The following STYXL1 variants were observed in gnomAD, a reference collection of about 807,000 sequenced individuals.
STYXL1 encodes serine/threonine/tyrosine interacting like 1, also known as serine/threonine/tyrosine-interacting-like protein 1.
Under a neutral mutation model 36.4 loss-of-function variants are expected in STYXL1, and 32 were observed. That is an observed-to-expected ratio of 0.88 (90% CI 0.66 to 1.18). The LOEUF (loss-of-function observed/expected upper bound fraction) is 1.18. Ranked by LOEUF, STYXL1 falls within the 50% of genes most tolerant of loss-of-function variation. STYXL1 has a pLI of 0.00. For missense variants in STYXL1, 354 were observed against 394.1 expected (o/e 0.90, Z 0.86); for synonymous variants, 133 against 144.1 (o/e 0.92, Z 0.55).
At chr7:76,042,198 C>T (rs1168031444) in intron 1 of STYXL1, among the ~76,000 whole-genome samples, 1 of 152,060 alleles carries the variant, frequency 6.6e-6, no homozygotes, top group Non-Finnish European at 1.5e-5. Context: ...GCTTGGCCCT[C>T]ATAGCCACTA....
intron 5 of STYXL1, among the ~76,000 whole-genome samples, chr7:76,010,409 C>T (rs1554571883): frequency 1.3e-5 from 2 of 152,086 alleles, no homozygotes; most frequent in East Asian, 1.9e-4. Context: ...CTGCCTTCTA[C>T]GATTCCGGTG....
intron 5 of STYXL1, among the ~76,000 whole-genome samples, chr7:76,010,471 G>A (rs1379968645): frequency 6.6e-6 from 1 of 152,148 alleles, no homozygotes; most frequent in Non-Finnish European, 1.5e-5. Context: ...TCCAAGTTAA[G>A]GGGAGGAAGT....
intron 1 of STYXL1, among the ~76,000 whole-genome samples, chr7:76,043,623 G>A (rs1554582725): frequency 6.6e-6 from 1 of 152,174 alleles, no homozygotes; most frequent in Admixed American, 6.5e-5. Context: ...CTGCATGGGA[G>A]AGTCAGTTAC....
Position 76,021,996 on chromosome 7 carries a change from A to T in STYXL1, c.166-4T>A. On this transcript the variant is annotated splice_polypyrimidine_tract_variant and splice_region_variant and intron_variant, in intron 3 of 8. Coordinates refer to ENST00000359697, the MANE Select transcript of STYXL1 (RefSeq NM_001317785.2). ...GGAGAAGATATTCATTATTTTTCTT[A>T]AAAAAAAAAACACACACACACAAGA... 5 of 1,131,164 alleles carry T rather than the reference A, an allele frequency of 4.4e-6. No individual in the cohort carries two copies. Among genetic ancestry groups the T allele is most frequent in the Admixed American group, 2.5e-5 (1 of 39,412 alleles). The allele number at this position is 1,131,164 out of a possible 1,614,324, so 70.1% of individuals were successfully genotyped here. A position where few individuals can be genotyped will look rare whatever the true frequency, so the allele number is the denominator to read the frequency against.
At chr7:76,008,681 AT>A (rs1466814275) in intron 5 of STYXL1, among the ~76,000 whole-genome samples, 1 of 152,130 alleles carries the variant, frequency 6.6e-6, no homozygotes, top group Non-Finnish European at 1.5e-5. Context: ...CTGGTGCCAA[AT>A]GAAATCCCCC....
chr7:76,020,661 A>C (rs549047711), intron 4 of STYXL1, among the ~76,000 whole-genome samples: 1 of 152,148 alleles, frequency 6.6e-6, no homozygotes, highest in Non-Finnish European at 1.5e-5. Context: ...ACACAGCAAG[A>C]CCCAGTCTTT....
intron 1 of STYXL1, among the ~76,000 whole-genome samples, chr7:76,038,029 G>A (rs1017091872): frequency 6.7e-6 from 1 of 150,180 alleles, no homozygotes; most frequent in African/African-American, 2.4e-5. Flanking sequence ...CAGTGGGCCT[G>A]ACACATGGCA....
chr7:76,029,525 G>A (rs539088782), intron 2 of STYXL1, among the ~76,000 whole-genome samples: 40 of 152,216 alleles, frequency 2.6e-4, no homozygotes, highest in African/African-American at 8.7e-4. Context: ...ATTTTTCCAC[G>A]GAACAGGGCA....
chr7:76,026,782 C>T (rs1236915615), intron 3 of STYXL1, among the ~76,000 whole-genome samples: 2 of 152,234 alleles, frequency 1.3e-5, no homozygotes, highest in African/African-American at 4.8e-5. Context: ...GGAGGCCAGG[C>T]TCACGCCTGC....
chr7:76,009,238 T>G (rs1792218469), intron 5 of STYXL1, among the ~76,000 whole-genome samples: 1 of 151,920 alleles, frequency 6.6e-6, no homozygotes, highest in Non-Finnish European at 1.5e-5. Context: ...CTGGGCACAC[T>G]GCCTTCCCCC....
At chr7:76,013,956 G>T in intron 4 of STYXL1, 69 bp from the exon 5 acceptor site, 1 of 1,451,692 alleles carries the variant, frequency 6.9e-7, no homozygotes, top group South Asian at 1.3e-5. Flanking sequence ...TGGGATAGAT[G>T]ACCACTTTCT....
chr7:76,006,219 G>A (rs1239973289), intron 5 of STYXL1, among the ~76,000 whole-genome samples: 6 of 152,038 alleles, frequency 3.9e-5, no homozygotes, highest in Admixed American at 6.6e-5. Context: ...CTACAGGTGC[G>A]CATGACCATA....
At position 75,996,479 on chromosome 7, in the gene STYXL1, G is replaced by T. The variant is rs150015474; in HGVS notation, c.931C>A (p.Pro311Thr). The T allele has an allele frequency of 8.7e-6, 14 of 1,614,072 alleles. No homozygotes were observed. Among genetic ancestry groups the T allele is most frequent in the African/African-American group, 1.3e-5 (1 of 74,918 alleles). ...LGDSITNIMD[P>T]LY ...GGCCTCGGAGAAGATCAGTAGAGCGGATCCATGATGTTTGTGATGGAATCT... is the reference window on the plus strand; with the variant it reads ...GGCCTCGGAGAAGATCAGTAGAGCGTATCCATGATGTTTGTGATGGAATCT... Residue 311 changes from proline (P) to threonine (T), a missense_variant, in exon 9 of 9, where the codon CCG becomes ACG. Pro to Thr is a conservative substitution (Grantham distance 38). Transcript: ENST00000359697.
intron 5 of STYXL1, among the ~76,000 whole-genome samples, chr7:76,007,896 C>CAAAAAA (rs34975812): frequency 2.8e-3 from 299 of 107,068 alleles, no homozygotes; most frequent in African/African-American, 9.5e-3. Context: ...GCCTGTCTCT[C>CAAAAAA]AAAAAAAAAA....
intron 5 of STYXL1, among the ~76,000 whole-genome samples, chr7:76,008,242 C>T (rs570465582): frequency 1.4e-5 from 2 of 145,620 alleles, no homozygotes; most frequent in East Asian, 2.1e-4. Context: ...CTCAAAGAAG[C>T]TCTGCAGTAG....
At chr7:76,006,763 C>CA (rs67192620) in intron 5 of STYXL1, among the ~76,000 whole-genome samples, 21 of 130,018 alleles carry the variant, frequency 1.6e-4, no homozygotes, top group African/African-American at 4.9e-4. Flanking sequence ...GACTCCGTCT[C>CA]AAAAAAAAAA....
chr7:76,046,289 T>C (rs1373240278), intron 1 of STYXL1, among the ~76,000 whole-genome samples: 1 of 8,558 alleles, frequency 1.2e-4, no homozygotes, highest in Non-Finnish European at 3.7e-4. Flanking sequence ...TGTGTGTGTG[T>C]GTGTGTGTGT....
At chr7:76,032,568 G>T (rs1795490078) in intron 1 of STYXL1, among the ~76,000 whole-genome samples, 2 of 152,094 alleles carry the variant, frequency 1.3e-5, no homozygotes, top group Non-Finnish European at 2.9e-5. Flanking sequence ...TGGGTGTGGT[G>T]GTGCATGCCT....
chr7:76,003,173 T>C (rs1317329793), intron 7 of STYXL1, among the ~76,000 whole-genome samples: 1 of 152,138 alleles, frequency 6.6e-6, no homozygotes, highest in African/African-American at 2.4e-5. Flanking sequence ...TGGTGGCTCA[T>C]GCCTATAATC....
Sources: allele counts gnomAD v4.1 joint callset (sites outside exome capture counted in the v4.1 genomes callset), GRCh38; gene constraint gnomAD v4.1.1; transcripts MANE v1.5; gene names NCBI Gene and HGNC (gene_info 2026-07-23, HGNC 2026-07-21).